The following STK11IP variants were observed in gnomAD, a reference collection of about 807,000 sequenced individuals.
The protein encoded by STK11IP is serine/threonine-protein kinase 11-interacting protein.
STK11IP carries 103 observed loss-of-function variants against 131.7 expected under a neutral mutation model. The ratio of observed to expected loss-of-function variants is 0.78; its 90% confidence interval spans 0.67 to 0.92. STK11IP has a LOEUF of 0.92. STK11IP is among the 40% of genes least tolerant of loss of function. The probability of loss-of-function intolerance (pLI) is 0.00; values close to 1 mark genes in which losing one functional copy is unlikely to be tolerated. For missense variants in STK11IP, 1,315 were observed against 1,385.7 expected (o/e 0.95, Z 0.81); for synonymous variants, 557 against 575.6 (o/e 0.97, Z 0.46).
In STK11IP at chr2:219,616,041, C is replaced by T. The variant is rs745519206; in HGVS notation, c.3118-3C>T. 26 of 1,613,358 alleles carry T rather than the reference C, an allele frequency of 1.6e-5. No individual in the cohort carries two copies. The highest frequency in any genetic ancestry group is 2.1e-5 in the Non-Finnish European group (25 of 1,179,582). ...TCGCCTTGCTAACTGCTCGGTCTGC[C>T]AGGTGTCCCGGCTGGAGAGCTTTTG... On this transcript the variant is annotated splice_polypyrimidine_tract_variant and splice_region_variant and intron_variant, in intron 24 of 24. Coordinates refer to ENST00000456909, the MANE Select transcript of STK11IP (RefSeq NM_052902.4).
intron 9 of STK11IP, 53 bp downstream of exon 9, chr2:219,606,112 C>G: frequency 5.2e-6 from 8 of 1,545,848 alleles, no homozygotes; most frequent in Non-Finnish European, 7.0e-6. Flanking sequence ...CGTACCCCCC[C>G]ATGCTGGTTT....
At chr2:219,601,616 A>T (rs770959788) in intron 3 of STK11IP, 25 bp from the exon 4 acceptor site, 1 of 1,491,898 alleles carries the variant, frequency 6.7e-7, no homozygotes, top group South Asian at 1.2e-5. Flanking sequence ...TGCCTCAGTA[A>T]ATTGAGTTTT....
At position 219,608,694 on chromosome 2, in the gene STK11IP, A is replaced by G; in HGVS notation, c.1715A>G (p.Gln572Arg). The G allele has an allele frequency of 6.2e-7, 1 of 1,613,588 alleles. No individual in the cohort carries two copies. The highest frequency in any genetic ancestry group is 8.5e-7 in the Non-Finnish European group (1 of 1,179,836). ...TSAHLFEVEL[Q>R]AARTLERLEL... ...GCCCACCTGTTTGAGGTGGAACTCC[A>G]AGCAGCTCGCACCTTGGAGCGACTG... The change falls in exon 15 of 25, where the codon CAA becomes CGA. Residue 572 changes from glutamine (Q) to arginine (R), a missense_variant. Transcript: ENST00000456909.
rs563317747 is a variant in STK11IP, at chr2:219,598,341, T to C, written c.61+161T>C. The C allele has an allele frequency of 5.3e-6, 3 of 565,736 alleles. No individual in the cohort carries two copies. In the East Asian group the frequency reaches 1.0e-4, roughly 19 times the overall value. 35.0% of individuals were successfully genotyped at this position (565,736 alleles called of 1,614,324 possible). ...TTCCCAGGTTTGTTCGCCCTTACAG[T>C]GTCCTTTGCCTGTGATAGCCTAAAC... On this transcript the variant is annotated intron_variant, in intron 2 of 24. Coordinates refer to ENST00000456909, the MANE Select transcript of STK11IP (RefSeq NM_052902.4).
chr2:219,614,594 T>C (rs1470406445), intron 23 of STK11IP, 48 bp downstream of exon 23: 1 of 1,590,942 alleles, frequency 6.3e-7, no homozygotes, highest in East Asian at 2.2e-5. Context: ...GTACCCTACC[T>C]TGTCACAGGC....
Position 219,597,934 on chromosome 2 carries a change from C to T in STK11IP, c.-27+11C>T. ...AGACGGGGAGGTTCGGTATGTCTGA[C>T]CAGGACTTATGTTCCTCGAAAGGGC... On this transcript the variant is annotated intron_variant, in intron 1 of 24. Coordinates refer to ENST00000456909, the MANE Select transcript of STK11IP (RefSeq NM_052902.4). The T allele has an allele frequency of 6.2e-7, 1 of 1,612,114 alleles. No individual in the cohort carries two copies. Among genetic ancestry groups the T allele is most frequent in the Non-Finnish European group, 8.5e-7 (1 of 1,179,136 alleles).
chr2:219,602,760 G>T lies in STK11IP; in HGVS notation c.602G>T (p.Cys201Phe). ...CTAAGCCACAATCAAGTCCAGGACT[G>T]TCAGGGATTCCTGATGGTGAGTATG... Reference protein sequence around the residue: ...LNLSHNQVQDCQGFLMDLCEL... With the variant: ...LNLSHNQVQDFQGFLMDLCEL... Residue 201 changes from cysteine to phenylalanine, a missense_variant, in exon 7 of 25, where the codon TGT becomes TTT. Physicochemically the swap from Cys to Phe is radical, Grantham distance 205. Transcript: ENST00000456909. 2 of 1,612,020 alleles carry T rather than the reference G, an allele frequency of 1.2e-6. 1 individual carries two copies. The highest frequency in any genetic ancestry group is 4.5e-5 in the East Asian group (2 of 44,886).
intron 23 of STK11IP, 69 bp from the exon 24 acceptor site, chr2:219,615,025 C>G: frequency 1.3e-6 from 2 of 1,538,454 alleles, no homozygotes; most frequent in African/African-American, 1.4e-5. Context: ...CCCAGCAGCA[C>G]TGGGACGCTG....
chr2:219,611,791 G>A lies in STK11IP; in HGVS notation c.2292G>A (p.Gln764=), dbSNP rs754810335. ...HLDRAKNSPP[Q]APSTRDHGSW... is the part of the protein sequence containing the mutation. ...ACAGGGCCAAGAACAGCCCACCTCA[G>A]GCACCGAGCACCCGTGACCATGGTA... Residue 764 remains glutamine (Q), a synonymous_variant, in exon 18 of 25, where the codon CAG becomes CAA. Coordinates refer to ENST00000456909, the MANE Select transcript of STK11IP (RefSeq NM_052902.4). 77 of 1,612,908 alleles carry A rather than the reference G, an allele frequency of 4.8e-5. No homozygotes were observed. The highest frequency in any genetic ancestry group is 6.4e-5 in the Non-Finnish European group (75 of 1,179,842).
At chr2:219,607,601 G>A (rs1306236688) in intron 13 of STK11IP, among the ~76,000 whole-genome samples, 2 of 152,074 alleles carry the variant, frequency 1.3e-5, no homozygotes, top group African/African-American at 4.8e-5. Context: ...CAAGGTTGCA[G>A]TGAGCTATGA....
chr2:219,615,059 A>G lies in STK11IP; in HGVS notation c.2870-35A>G, dbSNP rs199712990. On this transcript the variant is annotated intron_variant, in intron 23 of 24. Coordinates refer to ENST00000456909, the MANE Select transcript of STK11IP (RefSeq NM_052902.4). ...TGGCCCCAGGGATCTGGGCCCCTCC[A>G]TGACCTTCCACACTGGATGCCTCTT... 74 of 1,593,600 alleles carry G rather than the reference A, an allele frequency of 4.6e-5. No homozygotes were observed. In the African/African-American group the frequency reaches 8.4e-4, roughly 18 times the overall value.
intron 6 of STK11IP, 49 bp from the exon 7 acceptor site, chr2:219,602,656 T>G (rs766184563): frequency 1.2e-6 from 2 of 1,611,630 alleles, no homozygotes; most frequent in South Asian, 2.2e-5. Context: ...GTTGACCAGA[T>G]AGTATTGTAG....
rs941322199 is a variant in STK11IP at position 219,614,415 on chromosome 2, C to T, written c.2799-61C>T. On this transcript the variant is annotated intron_variant, in intron 22 of 24. Coordinates refer to ENST00000456909, the MANE Select transcript of STK11IP (RefSeq NM_052902.4). Reference sequence around the variant, plus strand: ...CCTGCAGGGCTTTCTTCCCACTCCCCTCTCTTCAAGTCCTTCCCACCCGCT... The same window carrying T: ...CCTGCAGGGCTTTCTTCCCACTCCCTTCTCTTCAAGTCCTTCCCACCCGCT... 38 of 1,582,352 alleles carry T rather than the reference C, an allele frequency of 2.4e-5. No individual in the cohort carries two copies. The South Asian group carries it at 3.3e-4, about 14-fold the overall frequency.
rs940779805 is a variant in STK11IP at position 219,608,596 on chromosome 2, C to T, written c.1617C>T (p.Arg539=). 9 of 1,597,682 alleles carry T rather than the reference C, an allele frequency of 5.6e-6. No homozygotes were observed. Among genetic ancestry groups the T allele is most frequent in the East Asian group, 2.2e-5 (1 of 44,544 alleles). ...DQKEVEAELC[R]PLLVCPLEGP... Reference sequence around the variant, plus strand: ...GTCTCTCCACAGCGGAACTCTGTCGCCCCTTGTTGGTGTGTCCCCTGGAGG... The same window carrying T: ...GTCTCTCCACAGCGGAACTCTGTCGTCCCTTGTTGGTGTGTCCCCTGGAGG... Residue 539 remains arginine, a synonymous_variant, in exon 15 of 25, where the codon CGC becomes CGT. Coordinates refer to ENST00000456909, the MANE Select transcript of STK11IP (RefSeq NM_052902.4).
chr2:219,609,438 G>T lies in STK11IP; in HGVS notation c.2002G>T (p.Gly668Cys). 1 of 1,612,692 alleles carries T rather than the reference G, an allele frequency of 6.2e-7. No homozygotes were observed. The highest frequency in any genetic ancestry group is 8.5e-7 in the Non-Finnish European group (1 of 1,179,548). Reference sequence around the variant, plus strand: ...TGGGGAGGCCAGGGACCTCCTGCTGGGTAGATTCCAGTGTCTACGCTGTGG... The same window carrying T: ...TGGGGAGGCCAGGGACCTCCTGCTGTGTAGATTCCAGTGTCTACGCTGTGG... Reference protein sequence around the residue: ...QLGEARDLLLGRFQCLRCGHE... With the variant: ...QLGEARDLLLCRFQCLRCGHE... The change falls in exon 17 of 25, where the codon GGT becomes TGT. Residue 668 changes from glycine to cysteine, a missense_variant. By Grantham distance (159) the Gly-to-Cys change is radical. Transcript: ENST00000456909.
Position 219,608,166 on chromosome 2 carries a change from A to G in STK11IP, c.1339A>G (p.Thr447Ala). The stretch of plus-strand genomic sequence containing the variant: ...GCCCTCCGGAAACCCTCTGCCGGCC[A>G]CCCCCACTACTTCTGCACCCAGTGC... ...LEPSGNPLPATPTTSAPSAPP... is the reference protein window; with the variant it reads ...LEPSGNPLPAAPTTSAPSAPP... The change falls in exon 14 of 25, where the codon ACC becomes GCC. Residue 447 changes from threonine (T) to alanine (A), a missense_variant. Physicochemically the swap from Thr to Ala is moderately conservative, Grantham distance 58. Coordinates refer to ENST00000456909, the MANE Select transcript of STK11IP (RefSeq NM_052902.4). The G allele has an allele frequency of 1.9e-6, 3 of 1,613,106 alleles. No homozygotes were observed. Among genetic ancestry groups the G allele is most frequent in the Middle Eastern group, 1.7e-4 (1 of 6,030 alleles).
At chr2:219,601,765 C>T (rs1199876065) in intron 4 of STK11IP, 50 bp downstream of exon 4, 14 of 1,557,668 alleles carry the variant, frequency 9.0e-6, no homozygotes, top group Non-Finnish European at 7.8e-6. Context: ...CTTGAGGCAG[C>T]CCCTTGGGGA....
At chr2:219,614,340 C>G in intron 22 of STK11IP, 98 bp downstream of exon 22, 8 of 1,532,920 alleles carry the variant, frequency 5.2e-6, no homozygotes, top group Non-Finnish European at 7.2e-6. Context: ...GGGCAGCCAC[C>G]TGTCCTCATG....
rs376570580 is a variant in STK11IP, at chr2:219,598,080, C to G, written c.-26-14C>G. The G allele has an allele frequency of 1.1e-5, 17 of 1,578,468 alleles. No homozygotes were observed. The highest frequency in any genetic ancestry group is 1.5e-5 in the Non-Finnish European group (17 of 1,163,220). ...CCCACCTGAGGCTCTTCCGCTTCCT[C>G]TTTCCCCCCCCAGGCTCCGCCCCCC... is the stretch of plus-strand genomic sequence containing the variant. On this transcript the variant is annotated splice_polypyrimidine_tract_variant and intron_variant, in intron 1 of 24. Transcript: ENST00000456909.
Sources: gnomAD v4.1 joint callset for allele counts (sites outside exome capture counted in the v4.1 genomes callset) on GRCh38, gnomAD v4.1.1 for gene constraint, MANE v1.5 for transcripts, NCBI Gene and HGNC (gene_info 2026-07-23, HGNC 2026-07-21) for gene names.